Variants in AFF2 observed in about 807,000 individuals in gnomAD.
The protein encoded by AFF2 is ALF transcription elongation factor 2.
A neutral mutation model predicts 76.9 loss-of-function variants in AFF2; 14 were observed. The observed-to-expected ratio is 0.18, with a 90% confidence interval of 0.12 to 0.28. The LOEUF (loss-of-function observed/expected upper bound fraction) is 0.28, where lower values mean the gene tolerates loss of function less well. Among genes scored for constraint, AFF2 ranks in the 10% least tolerant of loss-of-function variants. The pLI is 1.00. For missense variants in AFF2, 868 were observed against 1,001.1 expected, an observed-to-expected ratio of 0.87 and a Z score of 1.79; for synonymous variants, 398 against 366.7, an observed-to-expected ratio of 1.09 and a Z score of -0.98.
At chrX:148,940,754 C>T in intron 9 of AFF2, among the ~76,000 whole-genome samples, 1 of 111,806 alleles carries the variant, frequency 8.9e-6, no homozygotes, top group East Asian at 2.8e-4. Context: ...TGCCTGTCCT[C>T]AGCTATCTTA....
At chrX:148,782,174 T>G (rs956821277) in intron 3 of AFF2, among the ~76,000 whole-genome samples, 2 of 111,966 alleles carry the variant, frequency 1.8e-5, no homozygotes, top group Non-Finnish European at 3.8e-5. Context: ...ATCACATTTT[T>G]TCCATATAAA....
chrX:148,599,465 G>A (rs1219640792), intron 1 of AFF2, among the ~76,000 whole-genome samples: 3 of 110,671 alleles, frequency 2.7e-5, no homozygotes, highest in Non-Finnish European at 5.7e-5. Context: ...GGCTCTGCTT[G>A]GCATGGGGTT....
intron 1 of AFF2, among the ~76,000 whole-genome samples, chrX:148,575,799 G>A (rs899037919): frequency 2.0e-4 from 22 of 108,719 alleles, no homozygotes; most frequent in Admixed American, 5.0e-4. Context: ...CAAATAATGT[G>A]TAAGTGCAAA....
At chrX:148,611,161 C>G (rs1410769868) in intron 1 of AFF2, among the ~76,000 whole-genome samples, 2 of 111,810 alleles carry the variant, frequency 1.8e-5, no homozygotes, top group African/African-American at 6.5e-5. Context: ...AATTTGCACC[C>G]TGGAAGTTGG....
intron 1 of AFF2, among the ~76,000 whole-genome samples, chrX:148,610,581 C>T (rs1477797508): frequency 8.9e-6 from 1 of 111,754 alleles, no homozygotes; most frequent in Non-Finnish European, 1.9e-5. Flanking sequence ...TGTGTAGCTG[C>T]ATCTTTTTTC....
At chrX:148,737,042 G>A (rs1165381393) in intron 3 of AFF2, among the ~76,000 whole-genome samples, 1 of 111,515 alleles carries the variant, frequency 9.0e-6, no homozygotes, top group African/African-American at 3.3e-5. Flanking sequence ...TTGAAATCAG[G>A]TAGTGTGATG....
intron 1 of AFF2, among the ~76,000 whole-genome samples, chrX:148,635,598 C>T (rs2054023020): frequency 9.0e-6 from 1 of 111,562 alleles, no homozygotes; most frequent in African/African-American, 3.3e-5. Context: ...AATAAACAGC[C>T]CCATCAGAGA....
At position 148,570,262 on chromosome X, in the gene AFF2, T is replaced by A. The variant is rs192375460; in HGVS notation, c.47+69118T>A. Among the ~76,000 whole-genome samples, 731 of 111,885 alleles carry A rather than the reference T, an allele frequency of 6.5e-3. 6 individuals carry two copies. The highest frequency in any genetic ancestry group is 0.022 in the African/African-American group (694 of 30,863). On this transcript the variant is annotated intron_variant, in intron 1 of 20. Coordinates refer to ENST00000370460, the MANE Select transcript of AFF2 (RefSeq NM_002025.4). ...CATATCACCCAATAAGAAATCTTCA[T>A]TATTTATTAAGAATGAGTCAGGAAG... is the stretch of plus-strand genomic sequence containing the variant.
Position 148,991,277 on chromosome X carries a change from T to C in AFF2, c.3881T>C (p.Val1294Ala). 8.3e-7 allele frequency: 1 copy of C among 1,210,127 alleles called. No homozygotes were observed. The highest frequency in any genetic ancestry group is 1.1e-6 in the Non-Finnish European group (1 of 894,579). The change falls in exon 21 of 21, where the codon GTC becomes GCC. Residue 1294 changes from valine to alanine, a missense_variant. Physicochemically the swap from Val to Ala is moderately conservative, Grantham distance 64. Around this residue, in one of 6 missense-constraint regions of AFF2, gnomAD observed 33 missense variants for 63.6 expected, o/e 0.52. Transcript: ENST00000370460. ...LTQHSSMTNLVRYVRQGLCWL... is the reference protein window; with the variant it reads ...LTQHSSMTNLARYVRQGLCWL... Reference sequence around the variant, plus strand: ...CAGCACAGCAGCATGACCAATCTTGTCCGCTACGTTCGCCAAGGACTGTGT... The same window carrying C: ...CAGCACAGCAGCATGACCAATCTTGCCCGCTACGTTCGCCAAGGACTGTGT...
At chrX:148,764,618 A>G (rs1478343505) in intron 3 of AFF2, among the ~76,000 whole-genome samples, 1 of 112,460 alleles carries the variant, frequency 8.9e-6, no homozygotes, top group African/African-American at 3.2e-5. Flanking sequence ...TTAAAAGTCC[A>G]TCATTCATTT....
intron 3 of AFF2, among the ~76,000 whole-genome samples, chrX:148,790,941 G>A (rs781842478): frequency 8.9e-6 from 1 of 112,078 alleles, no homozygotes; most frequent in East Asian, 2.8e-4. Flanking sequence ...GGAAAGAGCA[G>A]GTTTTCTCTC....
At position 148,537,915 on chromosome X, in the gene AFF2, G is replaced by A. The variant is rs782637927; in HGVS notation, c.47+36771G>A. On this transcript the variant is annotated intron_variant, in intron 1 of 20. Transcript: ENST00000370460. ...CCCATCTAATGGTAGGAAATGAGGC[G>A]TTTTCTGCGAGCCAAACCCTGATAG... is the stretch of plus-strand genomic sequence containing the variant. Among the ~76,000 whole-genome samples the A allele has an allele frequency of 3.6e-5, 4 of 112,337 alleles. No homozygotes were observed. The East Asian group carries it at 1.1e-3, about 32-fold the overall frequency.
At chrX:148,929,606 C>G (rs60183131) in intron 9 of AFF2, among the ~76,000 whole-genome samples, 10,627 of 111,529 alleles carry the variant, frequency 0.095, 1,208 homozygotes, top group African/African-American at 0.33. Flanking sequence ...ACGAAAATGT[C>G]TATTTCTGTG....
At chrX:148,934,671 A>C (rs12116348) in intron 9 of AFF2, among the ~76,000 whole-genome samples, 5,286 of 111,811 alleles carry the variant, frequency 0.047, 303 homozygotes, top group African/African-American at 0.16. Context: ...TCTACACCTC[A>C]GTTGCTCACC....
chrX:148,941,264 G>A (rs2071830822), intron 9 of AFF2, among the ~76,000 whole-genome samples: 1 of 111,477 alleles, frequency 9.0e-6, no homozygotes, highest in Non-Finnish European at 1.9e-5. Context: ...ATGCATGTGG[G>A]CCAGGAGATT....
intron 8 of AFF2, among the ~76,000 whole-genome samples, chrX:148,898,114 G>A: frequency 8.9e-6 from 1 of 112,284 alleles, no homozygotes; most frequent in East Asian, 2.8e-4. Flanking sequence ...CAGAGTGAAG[G>A]GAGCAAGTCT....
At chrX:148,574,961 T>C (rs2053270066) in intron 1 of AFF2, among the ~76,000 whole-genome samples, 1 of 107,181 alleles carries the variant, frequency 9.3e-6, no homozygotes, top group African/African-American at 3.5e-5. Flanking sequence ...TGTGTGTGTG[T>C]GTGTGTGTGT....
intron 7 of AFF2, among the ~76,000 whole-genome samples, chrX:148,859,757 C>T (rs1194828292): frequency 2.7e-5 from 3 of 111,312 alleles, no homozygotes; most frequent in African/African-American, 9.7e-5. Flanking sequence ...GCACATCTGA[C>T]ATGCCAAGCA....
chrX:148,602,639 G>T (rs908727194), intron 1 of AFF2, among the ~76,000 whole-genome samples: 1 of 110,646 alleles, frequency 9.0e-6, no homozygotes, highest in African/African-American at 3.3e-5. Context: ...AACGAACGAA[G>T]AAATGACTTG....
Sources: gnomAD v4.1 joint callset for allele counts (sites outside exome capture counted in the v4.1 genomes callset) on GRCh38, gnomAD v4.1.1 for gene constraint, gnomAD v4.1.1 regional missense constraint, MANE v1.5 for transcripts, NCBI Gene and HGNC (gene_info 2026-07-23, HGNC 2026-07-21) for gene names.